The following RABGEF1 variants were observed in gnomAD, a reference collection of about 807,000 sequenced individuals.
The protein encoded by RABGEF1 is rab5 GDP/GTP exchange factor.
A neutral mutation model predicts 57.3 loss-of-function variants in RABGEF1; 26 were observed. The ratio of observed to expected loss-of-function variants is 0.45; its 90% CI spans 0.33 to 0.63. RABGEF1 has a LOEUF of 0.63. Ranked by LOEUF, RABGEF1 falls within the 20% of genes least tolerant of loss-of-function variation. The pLI, the probability that RABGEF1 is intolerant of heterozygous loss-of-function variation, is 0.02. For synonymous variants in RABGEF1, 185 were observed against 210.7 expected (o/e 0.88, Z 1.06); for missense variants, 464 against 607.6 (o/e 0.76, Z 2.48).
chr7:66,800,627 G>A (rs1787077360), intron 7 of RABGEF1, among the ~76,000 whole-genome samples: 1 of 152,174 alleles, frequency 6.6e-6, no homozygotes, highest in Non-Finnish European at 1.5e-5. Flanking sequence ...TGAAGGTGGA[G>A]GCCTTCTAAA....
chr7:66,805,373 G>T lies in RABGEF1; in HGVS notation c.1054G>T (p.Asp352Tyr), dbSNP rs1788200466. Reference protein sequence around the residue: ...CNPSRLMTGEDGYYFTNLCCA... With the variant: ...CNPSRLMTGEYGYYFTNLCCA... ...TCCAAGCCGACTGATGACTGGAGAG[G>T]ATGGCTACTATTTCACCAATCTGGT... is the stretch of plus-strand genomic sequence containing the variant. The change falls in exon 8 of 9, where the codon GAT becomes TAT. Residue 352 changes from aspartate (D) to tyrosine (Y), a missense_variant. Around this residue, in one of 4 missense-constraint regions of RABGEF1, gnomAD observed 284 missense variants for 389.9 expected, o/e 0.73. Coordinates refer to ENST00000284957, the MANE Select transcript of RABGEF1 (RefSeq NM_014504.3). The T allele has an allele frequency of 6.2e-7, 1 of 1,614,098 alleles. No homozygotes were observed. Among genetic ancestry groups the T allele is most frequent in the Non-Finnish European group, 8.5e-7 (1 of 1,180,064 alleles).
intron 2 of RABGEF1, among the ~76,000 whole-genome samples, chr7:66,719,237 T>C (rs1485410073): frequency 6.6e-6 from 1 of 152,222 alleles, no homozygotes; most frequent in Admixed American, 6.5e-5. Flanking sequence ...TCCTGACCTG[T>C]AGGGGCCTCC....
At chr7:66,777,686 G>A (rs1395597038) in intron 3 of RABGEF1, among the ~76,000 whole-genome samples, 1 of 152,040 alleles carries the variant, frequency 6.6e-6, no homozygotes, top group Non-Finnish European at 1.5e-5. Flanking sequence ...CCAGCTACTT[G>A]GAAGACTAAG....
At chr7:66,731,484 C>A (rs2659895) in intron 2 of RABGEF1, among the ~76,000 whole-genome samples, 57,650 of 151,734 alleles carry the variant, frequency 0.38, 11,434 homozygotes, top group Middle Eastern at 0.57. Flanking sequence ...TGGGAGGCCA[C>A]CGCAGGTGGA....
intron 1 of RABGEF1, among the ~76,000 whole-genome samples, chr7:66,742,404 T>C (rs1460354453): frequency 6.6e-6 from 1 of 151,866 alleles, no homozygotes; most frequent in Non-Finnish European, 1.5e-5. Context: ...TTCAAAACAG[T>C]GTGGTAAGGA....
At chr7:66,806,321 A>T (rs982479001) in intron 8 of RABGEF1, among the ~76,000 whole-genome samples, 2 of 152,184 alleles carry the variant, frequency 1.3e-5, no homozygotes, top group African/African-American at 2.4e-5. Context: ...ATTTATACCT[A>T]CTTTTGTATT....
At chr7:66,672,482 T>C in the RABGEF1 span, among the ~76,000 whole-genome samples, 1 of 152,310 alleles carries the variant, frequency 6.6e-6, no homozygotes, top group East Asian at 1.9e-4. Context: ...AAAGGACTTC[T>C]GACAGTCTTA....
Position 66,805,571 on chromosome 7 carries a change from G to A in RABGEF1, c.1077+175G>A, listed in dbSNP as rs528629765. On this transcript the variant is annotated intron_variant, in intron 8 of 8. Coordinates refer to ENST00000284957, the MANE Select transcript of RABGEF1 (RefSeq NM_014504.3). The stretch of plus-strand genomic sequence containing the variant: ...AAGGACCAGGCCATACAGACACTCC[G>A]CCTCCCAGCACTTGATCAGAGATTG... Among the ~76,000 whole-genome samples the A allele has an allele frequency of 6.6e-5, 10 of 152,278 alleles. No homozygotes were observed. In the South Asian group the frequency reaches 1.5e-3, roughly 22 times the overall value.
At chr7:66,770,024 C>T (rs533253066) in intron 1 of RABGEF1, among the ~76,000 whole-genome samples, 62 of 152,296 alleles carry the variant, frequency 4.1e-4, no homozygotes, top group South Asian at 8.3e-4. Context: ...CTCTATACTC[C>T]GTAAGTGAGA....
chr7:66,697,813 C>T (rs1286431632), intron 1 of RABGEF1, among the ~76,000 whole-genome samples: 1 of 152,120 alleles, frequency 6.6e-6, no homozygotes, highest in Non-Finnish European at 1.5e-5. Flanking sequence ...CTCAGCAGAA[C>T]TGCGGTGGGG....
At chr7:66,753,347 C>T (rs1585160469) in intron 1 of RABGEF1, among the ~76,000 whole-genome samples, 1 of 151,976 alleles carries the variant, frequency 6.6e-6, no homozygotes, top group South Asian at 2.1e-4. Context: ...ACCCAGAGTT[C>T]GATGTAAATT....
chr7:66,757,122 A>C (rs781112400), intron 1 of RABGEF1, among the ~76,000 whole-genome samples: 3 of 152,258 alleles, frequency 2.0e-5, no homozygotes, highest in Non-Finnish European at 4.4e-5. Flanking sequence ...ACATTTTGGA[A>C]TGTTTGACAC....
chr7:66,799,279 C>T lies in RABGEF1; in HGVS notation c.729-44C>T, dbSNP rs141024718. ...AAGGAGGTGACAAGACAAATGGCCACAGTTTATCCTTGGAGCTCTTGTTTA... is the reference window on the plus strand; with the variant it reads ...AAGGAGGTGACAAGACAAATGGCCATAGTTTATCCTTGGAGCTCTTGTTTA... On this transcript the variant is annotated intron_variant, in intron 6 of 8. Coordinates refer to ENST00000284957, the MANE Select transcript of RABGEF1 (RefSeq NM_014504.3). 1.8e-3 allele frequency: 2,737 copies of T among 1,501,860 alleles called. 26 individuals carry two copies. In the African/African-American group the frequency reaches 0.023, roughly 13 times the overall value. 93.0% of individuals were successfully genotyped at this position (1,501,860 alleles called of 1,614,324 possible). A position where few individuals can be genotyped will look rare whatever the true frequency, so the allele number is the denominator to read the frequency against.
chr7:66,757,514 C>T (rs1039066138), intron 1 of RABGEF1, among the ~76,000 whole-genome samples: 15 of 152,200 alleles, frequency 9.9e-5, no homozygotes, highest in Admixed American at 5.2e-4. Flanking sequence ...AAGTGCCTTT[C>T]GTGCAGTAAT....
chr7:66,689,729 G>A (rs1249934389), intron 1 of RABGEF1, among the ~76,000 whole-genome samples: 1 of 151,886 alleles, frequency 6.6e-6, no homozygotes, highest in Non-Finnish European at 1.5e-5. Flanking sequence ...TTGAACCCGG[G>A]AGGCGGAGGT....
the RABGEF1 span, among the ~76,000 whole-genome samples, chr7:66,666,660 C>G: frequency 6.6e-6 from 1 of 152,204 alleles, no homozygotes; most frequent in Non-Finnish European, 1.5e-5. Context: ...CCTGGCTGCT[C>G]ACAGCCGGCG....
the RABGEF1 span, among the ~76,000 whole-genome samples, chr7:66,676,286 A>AT: frequency 2.0e-5 from 3 of 149,840 alleles, no homozygotes; most frequent in Non-Finnish European, 3.0e-5. Flanking sequence ...TCGTTTCAAA[A>AT]AATATATATA....
At chr7:66,674,705 A>G in the RABGEF1 span, among the ~76,000 whole-genome samples, 1 of 152,170 alleles carries the variant, frequency 6.6e-6, no homozygotes, top group African/African-American at 2.4e-5. Context: ...ACAAAAGAGA[A>G]CATACTATAT....
upstream of RABGEF1, among the ~76,000 whole-genome samples, chr7:66,679,592 T>C (rs893898903): frequency 6.6e-6 from 1 of 152,198 alleles, no homozygotes; most frequent in Non-Finnish European, 1.5e-5. Context: ...GTGCTGGGAT[T>C]ACAGGTGTGA....
Sources: allele counts gnomAD v4.1 joint callset (sites outside exome capture counted in the v4.1 genomes callset), GRCh38; gene constraint gnomAD v4.1.1; regional missense constraint gnomAD v4.1.1; transcripts MANE v1.5; gene names NCBI Gene and HGNC (gene_info 2026-07-23, HGNC 2026-07-21).